Variants in PLCH2 observed in about 807,000 individuals in gnomAD.
The protein encoded by PLCH2 is 1-phosphatidylinositol 4,5-bisphosphate phosphodiesterase eta-2.
PLCH2 carries 98 observed loss-of-function variants against 134.7 expected under a neutral mutation model. The ratio of observed to expected loss-of-function variants is 0.73; its 90% CI spans 0.62 to 0.86. PLCH2 has a LOEUF of 0.86. PLCH2 is among the 40% of genes least tolerant of loss of function. The pLI is 0.00. For missense variants in PLCH2, 1,994 were observed against 1,986.6 expected (o/e 1.00, Z -0.07); for synonymous variants, 974 against 827.5 (o/e 1.18, Z -3.04).
At chr1:2,437,284 C>T (rs1333288515) in intron 2 of PLCH2, among the ~76,000 whole-genome samples, 2 of 152,148 alleles carry the variant, frequency 1.3e-5, no homozygotes, top group Non-Finnish European at 2.9e-5. Flanking sequence ...AGCACGGACT[C>T]CTGTTCCAGA....
intron 2 of PLCH2, among the ~76,000 whole-genome samples, chr1:2,452,390 A>AG (rs1448774168): frequency 6.6e-6 from 1 of 152,082 alleles, no homozygotes; most frequent in African/African-American, 2.4e-5. Flanking sequence ...AGCCCCGTGG[A>AG]GGGGGGCCTA....
At chr1:2,458,229 C>T (rs533541998) in intron 2 of PLCH2, among the ~76,000 whole-genome samples, 1 of 152,298 alleles carries the variant, frequency 6.6e-6, no homozygotes, top group South Asian at 2.1e-4. Context: ...CCCGTAAGGC[C>T]CTGCTCAGTG....
chr1:2,472,859 T>C (rs911605691), upstream of PLCH2, among the ~76,000 whole-genome samples: 2 of 152,080 alleles, frequency 1.3e-5, no homozygotes, highest in Non-Finnish European at 2.9e-5. Flanking sequence ...GCAGTCCCCA[T>C]GCCCCTGTCG....
At chr1:2,434,061 G>A (rs569818490) in intron 2 of PLCH2, among the ~76,000 whole-genome samples, 6 of 152,362 alleles carry the variant, frequency 3.9e-5, no homozygotes, top group South Asian at 2.1e-4. Context: ...TCGCGCGTCC[G>A]GCTTCGTGGC....
At chr1:2,426,919 G>A (rs1638824962) in intron 1 of PLCH2, among the ~76,000 whole-genome samples, 2 of 152,200 alleles carry the variant, frequency 1.3e-5, no homozygotes, top group South Asian at 2.1e-4. Flanking sequence ...CCCTGCATCC[G>A]CTAAGTCCAG....
upstream of PLCH2, among the ~76,000 whole-genome samples, chr1:2,463,325 G>A (rs1640911322): frequency 6.6e-6 from 1 of 152,194 alleles, no homozygotes; most frequent in Non-Finnish European, 1.5e-5. Context: ...GGGGCCCGTC[G>A]AACTCAGACA....
chr1:2,429,629 G>T (rs1240307894), intron 1 of PLCH2, among the ~76,000 whole-genome samples: 1 of 152,192 alleles, frequency 6.6e-6, no homozygotes, highest in Non-Finnish European at 1.5e-5. Context: ...GCCAAGCGGG[G>T]CTGCCCTTGG....
chr1:2,500,622 T>C (rs1445281822), intron 20 of PLCH2: 4 of 152,288 alleles, frequency 2.6e-5, no homozygotes, highest in Non-Finnish European at 5.9e-5. Context: ...CCGCACCCCA[T>C]TAGCATCCAT....
chr1:2,443,981 C>A (rs541637831), intron 2 of PLCH2, among the ~76,000 whole-genome samples: 92 of 152,214 alleles, frequency 6.0e-4, no homozygotes, highest in African/African-American at 2.2e-3. Flanking sequence ...CAGTAGGTGC[C>A]GCTCCTGCCG....
At chr1:2,459,626 CTCCTTGCCTGTGGTCT>C (rs1210334355) in intron 2 of PLCH2, among the ~76,000 whole-genome samples, 67 of 5,908 alleles carry the variant, frequency 0.011, 9 homozygotes, top group Non-Finnish European at 0.031. Flanking sequence ...GCCTGTGGTC[CTCCTTGCCTGTGGTCT>C]TCCTTTCCGG....
chr1:2,424,306 T>C (rs35562673), upstream of PLCH2, among the ~76,000 whole-genome samples: 83,969 of 151,348 alleles, frequency 0.55, 23,394 homozygotes, highest in East Asian at 0.65. Flanking sequence ...ACTAAAAAAT[T>C]CCCCCAAACC....
chr1:2,431,827 T>C (rs558683601), intron 2 of PLCH2, among the ~76,000 whole-genome samples: 1 of 152,242 alleles, frequency 6.6e-6, no homozygotes, highest in Admixed American at 6.5e-5. Context: ...AGTCTTGTGC[T>C]GGGTGCTGGG....
chr1:2,490,116 A>C (rs1642492541), intron 10 of PLCH2, among the ~76,000 whole-genome samples: 1 of 131,664 alleles, frequency 7.6e-6, no homozygotes. Context: ...GGTACCATCC[A>C]CTCCCCCTGC....
rs1366591445 is a variant in PLCH2, at chr1:2,497,431, G to A, written c.2117-71G>A. On this transcript the variant is annotated intron_variant, in intron 15 of 21. Transcript: ENST00000378486. ...GCTGTGCAGGGGAGGCTAGCGTGTG[G>A]TGGTGGGTGGGCGGGGCACACACCT... is the stretch of plus-strand genomic sequence containing the variant. 4 of 1,053,894 alleles carry A rather than the reference G, an allele frequency of 3.8e-6. No homozygotes were observed. The African/African-American group carries it at 6.3e-5, about 16-fold the overall frequency. The allele number at this position is 1,053,894 out of a possible 1,614,324, so 65.3% of individuals were successfully genotyped here. A position where few individuals can be genotyped will look rare whatever the true frequency, so the allele number is the denominator to read the frequency against.
At chr1:2,494,978 G>C in intron 12 of PLCH2, 30 bp downstream of exon 12, 3 of 1,491,912 alleles carry the variant, frequency 2.0e-6, no homozygotes, top group Non-Finnish European at 2.7e-6. Flanking sequence ...CCAGGGTCCC[G>C]GTCTGGGCCC....
At chr1:2,492,783 C>T (rs1642662034) in intron 11 of PLCH2, among the ~76,000 whole-genome samples, 1 of 152,170 alleles carries the variant, frequency 6.6e-6, no homozygotes, top group South Asian at 2.1e-4. Flanking sequence ...ACACTTGTGC[C>T]TCTCTGTCCC....
upstream of PLCH2, among the ~76,000 whole-genome samples, chr1:2,475,329 A>G (rs1242449261): frequency 6.6e-6 from 1 of 152,150 alleles, no homozygotes; most frequent in Non-Finnish European, 1.5e-5. Context: ...GAGCCAGTAG[A>G]GCCTGGGCAG....
chr1:2,472,236 A>C (rs1394535087), upstream of PLCH2, among the ~76,000 whole-genome samples: 1 of 152,064 alleles, frequency 6.6e-6, no homozygotes, highest in Non-Finnish European at 1.5e-5. Flanking sequence ...CGTTTAAATA[A>C]TCTCCGCCAT....
At chr1:2,440,006 A>AGGGGTG (rs1639615533) in intron 2 of PLCH2, among the ~76,000 whole-genome samples, 1 of 152,088 alleles carries the variant, frequency 6.6e-6, no homozygotes, top group African/African-American at 2.4e-5. Context: ...CTTGGAAACC[A>AGGGGTG]GGCAGGGGTG....
Sources: allele counts gnomAD v4.1 joint callset (sites outside exome capture counted in the v4.1 genomes callset), GRCh38; gene constraint gnomAD v4.1.1; transcripts MANE v1.5; gene names NCBI Gene and HGNC (gene_info 2026-07-23, HGNC 2026-07-21).